DNAH8: variants seen among roughly 807,000 people sequenced by gnomAD.
DNAH8 encodes dynein axonemal heavy chain 8, also known as axonemal beta dynein heavy chain 8.
A neutral mutation model predicts 562.1 loss-of-function variants in DNAH8; 382 were observed. The observed-to-expected ratio is 0.68, with a 90% CI of 0.63 to 0.74. DNAH8 has a LOEUF of 0.74. DNAH8 is among the 30% of genes least tolerant of loss of function. DNAH8 has a pLI of 0.00. For missense variants in DNAH8, 5,203 were observed against 5,620.4 expected, an observed-to-expected ratio of 0.93 and a Z score of 2.37; for synonymous variants, 1,881 against 1,919.4, an observed-to-expected ratio of 0.98 and a Z score of 0.52.
At chr6:38,903,608 CTTCCTT>C (rs1780226967) in intron 62 of DNAH8, among the ~76,000 whole-genome samples, 1 of 120,122 alleles carries the variant, frequency 8.3e-6, no homozygotes, top group Non-Finnish European at 1.6e-5. Context: ...TTCTTTCTTT[CTTCCTT>C]TTTTTTTTTT....
intron 56 of DNAH8, among the ~76,000 whole-genome samples, chr6:38,886,416 A>G (rs1025496494): frequency 2.0e-5 from 3 of 152,258 alleles, no homozygotes; most frequent in African/African-American, 7.2e-5. Flanking sequence ...AAACCATCCT[A>G]CATTCTGATC....
intron 24 of DNAH8, among the ~76,000 whole-genome samples, chr6:38,809,044 C>T (rs2150309621): frequency 6.6e-6 from 1 of 151,110 alleles, no homozygotes; most frequent in South Asian, 2.1e-4. Flanking sequence ...ACCTATGTAA[C>T]AAACCTGCAT....
At chr6:39,029,084 T>A (rs1485084435) in intron 92 of DNAH8, among the ~76,000 whole-genome samples, 2 of 152,310 alleles carry the variant, frequency 1.3e-5, no homozygotes, top group South Asian at 2.1e-4. Flanking sequence ...TCAGCCTTTC[T>A]TTTTTTAGTG....
intron 8 of DNAH8, among the ~76,000 whole-genome samples, chr6:38,742,136 T>G (rs1169455385): frequency 6.6e-6 from 1 of 152,204 alleles, no homozygotes; most frequent in African/African-American, 2.4e-5. Flanking sequence ...TCTTTTATTT[T>G]TAAATTGTTT....
At chr6:38,916,559 A>G (rs2150544571) in intron 68 of DNAH8, among the ~76,000 whole-genome samples, 1 of 152,340 alleles carries the variant, frequency 6.6e-6, no homozygotes, top group East Asian at 1.9e-4. Flanking sequence ...GAATAAATCT[A>G]TGATAATCAT....
At chr6:39,010,552 C>G (rs924285030) in intron 89 of DNAH8, among the ~76,000 whole-genome samples, 3 of 152,056 alleles carry the variant, frequency 2.0e-5, no homozygotes, top group Admixed American at 1.3e-4. Context: ...TAAAGTTTCC[C>G]TTTTAAAACC....
intron 64 of DNAH8, 22 bp downstream of exon 64, chr6:38,908,142 T>C (rs1424307560): frequency 6.9e-7 from 1 of 1,452,082 alleles, no homozygotes; most frequent in African/African-American, 1.4e-5. Context: ...TTTTTATTTA[T>C]ATCTACGTAG....
Position 38,960,592 on chromosome 6 carries a change from A to C in DNAH8, c.12451+9072A>C, listed in dbSNP as rs115937822. Among the ~76,000 whole-genome samples the C allele has an allele frequency of 2.4e-3, 367 of 152,002 alleles. 1 individual carries two copies. Among genetic ancestry groups the C allele is most frequent in the African/African-American group, 8.0e-3 (331 of 41,536 alleles). On this transcript the variant is annotated intron_variant, in intron 82 of 92. Coordinates refer to ENST00000327475, the MANE Select transcript of DNAH8 (RefSeq NM_001206927.2). ...ATGAGATATCATCTCACCCCAATTTACATGCCTTGTATGAAAAAAACCAGT... is the reference window on the plus strand; with the variant it reads ...ATGAGATATCATCTCACCCCAATTTCCATGCCTTGTATGAAAAAAACCAGT...
At chr6:38,994,025 G>A (rs569332745) in intron 88 of DNAH8, among the ~76,000 whole-genome samples, 4 of 151,538 alleles carry the variant, frequency 2.6e-5, no homozygotes, top group African/African-American at 9.7e-5. Flanking sequence ...ACTTTTACTT[G>A]CAGTCTGTGA....
chr6:38,932,047 T>C (rs1011781099), intron 76 of DNAH8, 54 bp downstream of exon 76: 3 of 1,296,574 alleles, frequency 2.3e-6, no homozygotes, highest in Non-Finnish European at 3.1e-6. Flanking sequence ...GCTTAAAATG[T>C]ATTGAGAAAT....
intron 1 of DNAH8, among the ~76,000 whole-genome samples, chr6:38,721,152 T>A (rs1202093436): frequency 6.6e-6 from 1 of 151,758 alleles, no homozygotes. Flanking sequence ...TCTCTAAAAA[T>A]AAAAAATAAA....
intron 21 of DNAH8, among the ~76,000 whole-genome samples, chr6:38,802,393 G>A (rs1404631674): frequency 6.6e-6 from 1 of 152,212 alleles, no homozygotes; most frequent in Admixed American, 6.5e-5. Context: ...ATAGGCACAA[G>A]ACACTGCATC....
At chr6:38,830,567 G>A (rs12527996) in intron 30 of DNAH8, among the ~76,000 whole-genome samples, 21,478 of 149,718 alleles carry the variant, frequency 0.14, 1,717 homozygotes, top group East Asian at 0.35. Flanking sequence ...CCCAGGAGGC[G>A]GAGTTTCCAG....
chr6:38,838,592 G>T (rs1215737123), intron 33 of DNAH8, among the ~76,000 whole-genome samples: 1 of 151,740 alleles, frequency 6.6e-6, no homozygotes. Context: ...GTAGAGACGG[G>T]GTTTCACCAT....
At chr6:38,820,044 G>A (rs911721153) in intron 26 of DNAH8, among the ~76,000 whole-genome samples, 5 of 152,200 alleles carry the variant, frequency 3.3e-5, no homozygotes, top group African/African-American at 9.6e-5. Context: ...AATCATAATA[G>A]ATTTTTTTCT....
chr6:38,932,183 A>AACACACACACACACAC (rs70981599), intron 76 of DNAH8, among the ~76,000 whole-genome samples, 190 bp downstream of exon 76: 3,488 of 139,776 alleles, frequency 0.025, 95 homozygotes, highest in East Asian at 0.062. Context: ...TCCAGCCTGA[A>AACACACACACACACAC]ACACACACAC....
At chr6:39,002,672 A>G (rs1185705042) in intron 88 of DNAH8, among the ~76,000 whole-genome samples, 1 of 152,236 alleles carries the variant, frequency 6.6e-6, no homozygotes, top group Non-Finnish European at 1.5e-5. Context: ...GCTCACAGAA[A>G]TAGTAAAAGA....
rs1253137375 is a variant in DNAH8 at position 38,921,510 on chromosome 6, A to G, written c.10662+4A>G. On this transcript the variant is annotated splice_donor_region_variant and intron_variant, in intron 71 of 92. Transcript: ENST00000327475. The stretch of plus-strand genomic sequence containing the variant: ...TGCAGCAATGAATGAGAAAATGGTG[A>G]GATTAAACATAAAAAATCCCCAAAA... The G allele has an allele frequency of 6.2e-7, 1 of 1,610,492 alleles. No homozygotes were observed. Among genetic ancestry groups the G allele is most frequent in the Non-Finnish European group, 8.5e-7 (1 of 1,178,568 alleles).
chr6:38,791,472 T>G lies in DNAH8; in HGVS notation c.2782-83T>G, dbSNP rs2127657226. 2.1e-6 allele frequency: 3 copies of G among 1,455,726 alleles called. No homozygotes were observed. The East Asian group carries it at 7.3e-5, about 35-fold the overall frequency. 90.2% of individuals were successfully genotyped at this position (1,455,726 alleles called of 1,614,324 possible). ...TCTAGACTTAGCCTTCTAAATTAAT[T>G]TATAACTCAAGCCTCTTTTGGATGA... On this transcript the variant is annotated intron_variant, in intron 20 of 92. Coordinates refer to ENST00000327475, the MANE Select transcript of DNAH8 (RefSeq NM_001206927.2).
Sources: gnomAD v4.1 joint callset for allele counts (sites outside exome capture counted in the v4.1 genomes callset) on GRCh38, gnomAD v4.1.1 for gene constraint, MANE v1.5 for transcripts, NCBI Gene and HGNC (gene_info 2026-07-23, HGNC 2026-07-21) for gene names.